Variants in SIPA1L3 observed in about 807,000 individuals in gnomAD.
SIPA1L3 encodes signal-induced proliferation-associated 1-like protein 3.
A neutral mutation model predicts 150.1 loss-of-function variants in SIPA1L3; 59 were observed. The ratio of observed to expected loss-of-function variants is 0.39; its 90% CI spans 0.32 to 0.49. The LOEUF (loss-of-function observed/expected upper bound fraction) is 0.49. Among genes scored for constraint, SIPA1L3 ranks in the 20% least tolerant of loss-of-function variants. The probability of loss-of-function intolerance (pLI) is 0.86; values close to 1 mark genes in which losing one functional copy is unlikely to be tolerated. For synonymous variants in SIPA1L3, 1,070 were observed against 1,077.6 expected, an observed-to-expected ratio of 0.99 and a Z score of 0.14; for missense variants, 2,211 against 2,489.5, an observed-to-expected ratio of 0.89 and a Z score of 2.38.
intron 19 of SIPA1L3, chr19:38,200,835 G>C (rs1055823066): frequency 6.6e-5 from 10 of 151,892 alleles, no homozygotes; most frequent in African/African-American, 2.4e-4. Flanking sequence ...GCTGAGGCAG[G>C]AGAATCACTT....
At chr19:38,091,389 A>AATATATACATAC (rs1413402043) in intron 4 of SIPA1L3, among the ~76,000 whole-genome samples, 1 of 152,144 alleles carries the variant, frequency 6.6e-6, no homozygotes, top group African/African-American at 2.4e-5. Context: ...CGGTCTCAAA[A>AATATATACATAC]ATATATACAT....
At chr19:37,913,123 T>C (rs1340960667) in intron 1 of SIPA1L3, among the ~76,000 whole-genome samples, 1 of 152,152 alleles carries the variant, frequency 6.6e-6, no homozygotes, top group African/African-American at 2.4e-5. Flanking sequence ...AGCTTTTTTC[T>C]TCATTGGCAA....
chr19:37,999,326 C>A (rs1430116893), intron 1 of SIPA1L3, among the ~76,000 whole-genome samples: 2 of 152,210 alleles, frequency 1.3e-5, no homozygotes, highest in African/African-American at 4.8e-5. Flanking sequence ...GAGCCACAAG[C>A]TGCTCTTCTC....
At chr19:38,192,849 A>C (rs979496383) in intron 17 of SIPA1L3, among the ~76,000 whole-genome samples, 1 of 152,074 alleles carries the variant, frequency 6.6e-6, no homozygotes, top group Non-Finnish European at 1.5e-5. Flanking sequence ...GTTGGGTCCC[A>C]CCAGCCTACA....
At chr19:37,923,001 G>A (rs1480343286) in intron 1 of SIPA1L3, among the ~76,000 whole-genome samples, 1 of 151,802 alleles carries the variant, frequency 6.6e-6, no homozygotes, top group Non-Finnish European at 1.5e-5. Context: ...GCTGGGCGTG[G>A]TGGCGGGCGC....
intron 14 of SIPA1L3, among the ~76,000 whole-genome samples, chr19:38,163,462 C>A (rs1266850241): frequency 6.8e-6 from 1 of 146,566 alleles, no homozygotes; most frequent in African/African-American, 2.6e-5. Context: ...TGCACTCCAG[C>A]CTGAGCGACA....
At chr19:38,187,657 G>A (rs1972713659) in intron 16 of SIPA1L3, among the ~76,000 whole-genome samples, 2 of 143,518 alleles carry the variant, frequency 1.4e-5, no homozygotes, top group Non-Finnish European at 3.0e-5. Context: ...GGCGGAGCCT[G>A]CAGTGAGCCA....
intron 4 of SIPA1L3, among the ~76,000 whole-genome samples, chr19:38,093,732 A>AG (rs1970315611): frequency 6.6e-6 from 1 of 151,954 alleles, no homozygotes; most frequent in Non-Finnish European, 1.5e-5. Flanking sequence ...GGCCGTCCCC[A>AG]GCCGCCAAGC....
chr19:37,981,825 C>T (rs1181929236), intron 1 of SIPA1L3, among the ~76,000 whole-genome samples: 1 of 152,158 alleles, frequency 6.6e-6, no homozygotes, highest in Non-Finnish European at 1.5e-5. Flanking sequence ...TCTCTTTAGT[C>T]CCTTTATGAG....
intron 5 of SIPA1L3, among the ~76,000 whole-genome samples, 185 bp from the exon 6 acceptor site, chr19:38,100,867 G>C (rs3810356): frequency 2.6e-5 from 4 of 152,132 alleles, no homozygotes; most frequent in East Asian, 1.9e-4. Context: ...GTGGAAGGGA[G>C]GGGGAGGGAC....
intron 1 of SIPA1L3, among the ~76,000 whole-genome samples, chr19:37,926,624 G>A (rs745345134): frequency 1.3e-5 from 2 of 152,116 alleles, no homozygotes; most frequent in Admixed American, 6.6e-5. Context: ...CTGAGGAGCC[G>A]TGCACCTCCC....
chr19:38,138,891 CTA>C (rs1423797837), intron 10 of SIPA1L3, among the ~76,000 whole-genome samples: 1 of 22,066 alleles, frequency 4.5e-5, no homozygotes, highest in Admixed American at 5.8e-4. Context: ...GAACGAGACT[CTA>C]TCTCAAAAAA....
chr19:37,995,093 C>T (rs1418294831), intron 1 of SIPA1L3, among the ~76,000 whole-genome samples: 3 of 152,278 alleles, frequency 2.0e-5, no homozygotes, highest in East Asian at 1.9e-4. Context: ...TTCCTCTTCA[C>T]GTGCCTTTCC....
At chr19:38,052,107 G>A (rs138882560) in intron 2 of SIPA1L3, among the ~76,000 whole-genome samples, 116 of 152,260 alleles carry the variant, frequency 7.6e-4, no homozygotes, top group Middle Eastern at 3.4e-3. Context: ...TGCCCACAGC[G>A]TGCCTGTACA....
chr19:37,962,684 G>T (rs1010941969), intron 1 of SIPA1L3, among the ~76,000 whole-genome samples: 5 of 151,914 alleles, frequency 3.3e-5, no homozygotes, highest in African/African-American at 9.7e-5. Flanking sequence ...TAGGGATGGG[G>T]TCTTCCTATC....
At chr19:38,158,204 G>T (rs980085255) in intron 13 of SIPA1L3, among the ~76,000 whole-genome samples, 2 of 152,122 alleles carry the variant, frequency 1.3e-5, no homozygotes, top group African/African-American at 4.8e-5. Flanking sequence ...CTGCACTCCA[G>T]CCTGGGCAAC....
intron 15 of SIPA1L3, among the ~76,000 whole-genome samples, chr19:38,166,159 G>T (rs767561292): frequency 1.1e-4 from 16 of 152,058 alleles, no homozygotes; most frequent in Admixed American, 2.0e-4. Flanking sequence ...GAGTAAGAGA[G>T]AAAGAGTAGG....
At chr19:38,054,375 G>A (rs2145766308) in intron 2 of SIPA1L3, among the ~76,000 whole-genome samples, 1 of 152,334 alleles carries the variant, frequency 6.6e-6, no homozygotes, top group South Asian at 2.1e-4. Context: ...GGGAGGCCAA[G>A]GCAGGCGGAT....
chr19:38,122,259 A>AGGGG (rs2145901091), intron 9 of SIPA1L3, among the ~76,000 whole-genome samples: 1 of 152,038 alleles, frequency 6.6e-6, no homozygotes, highest in South Asian at 2.1e-4. Context: ...GTTCCTCCCC[A>AGGGG]CCCCTCTCAG....
Sources: allele counts gnomAD v4.1 joint callset (sites outside exome capture counted in the v4.1 genomes callset), GRCh38; gene constraint gnomAD v4.1.1; transcripts MANE v1.5; gene names NCBI Gene and HGNC (gene_info 2026-07-23, HGNC 2026-07-21).